SENP7: variants seen among roughly 807,000 people sequenced by gnomAD.
SENP7 encodes sentrin-specific protease 7.
A neutral mutation model predicts 141.2 loss-of-function variants in SENP7; 64 were observed. The observed-to-expected ratio is 0.45, with a 90% CI of 0.37 to 0.56. The LOEUF (loss-of-function observed/expected upper bound fraction) is 0.56, where lower values mean the gene tolerates loss of function less well. Ranked by LOEUF, SENP7 falls within the 20% of genes least tolerant of loss-of-function variation. The pLI is 0.00. For missense variants in SENP7, 1,025 were observed against 1,212.2 expected, an observed-to-expected ratio of 0.85 and a Z score of 2.29; for synonymous variants, 382 against 426.4, an observed-to-expected ratio of 0.90 and a Z score of 1.28.
intron 2 of SENP7, among the ~76,000 whole-genome samples, chr3:101,496,697 C>T (rs2065172220): frequency 6.6e-6 from 1 of 152,118 alleles, no homozygotes; most frequent in African/African-American, 2.4e-5. Context: ...CCCACCTCAG[C>T]CTCCGAAGTA....
intron 14 of SENP7, among the ~76,000 whole-genome samples, chr3:101,342,647 CT>C (rs1308314805): frequency 6.6e-6 from 1 of 151,104 alleles, no homozygotes; most frequent in Non-Finnish European, 1.5e-5. Flanking sequence ...ATTCCTTAGT[CT>C]TTCCTTGTTT....
chr3:101,392,180 C>T (rs1235961654), intron 6 of SENP7, among the ~76,000 whole-genome samples: 4 of 152,110 alleles, frequency 2.6e-5, no homozygotes, highest in Non-Finnish European at 5.9e-5. Context: ...CCCACCTTCA[C>T]GACTCTTATT....
At chr3:101,392,483 A>G (rs1196788563) in intron 6 of SENP7, among the ~76,000 whole-genome samples, 2 of 152,334 alleles carry the variant, frequency 1.3e-5, no homozygotes, top group East Asian at 3.9e-4. Context: ...AAATTTAACC[A>G]TAGAGTTGAA....
intron 6 of SENP7, among the ~76,000 whole-genome samples, chr3:101,388,988 C>G (rs944511018): frequency 6.6e-6 from 1 of 152,088 alleles, no homozygotes; most frequent in East Asian, 1.9e-4. Context: ...GCCTACATGA[C>G]ATATAAGACA....
At chr3:101,492,828 C>T (rs2065017212) in intron 3 of SENP7, among the ~76,000 whole-genome samples, 1 of 152,042 alleles carries the variant, frequency 6.6e-6, no homozygotes. Flanking sequence ...CAAGATCCCA[C>T]CTCTACAGAA....
intron 6 of SENP7, among the ~76,000 whole-genome samples, chr3:101,397,813 T>C (rs2061013330): frequency 6.6e-6 from 1 of 152,196 alleles, no homozygotes; most frequent in African/African-American, 2.4e-5. Context: ...ATATAAAAAG[T>C]ATCCTACAGG....
At chr3:101,459,901 C>G (rs1198888515) in intron 3 of SENP7, among the ~76,000 whole-genome samples, 1 of 151,856 alleles carries the variant, frequency 6.6e-6, no homozygotes, top group East Asian at 1.9e-4. Context: ...AATGAGAAAT[C>G]TGAAAGAGAA....
chr3:101,361,058 A>T (rs1474980709), intron 11 of SENP7, among the ~76,000 whole-genome samples: 2 of 152,048 alleles, frequency 1.3e-5, no homozygotes, highest in Non-Finnish European at 2.9e-5. Context: ...TACAAAAATT[A>T]GCCAGGTGTG....
intron 3 of SENP7, among the ~76,000 whole-genome samples, chr3:101,481,286 A>G (rs1202864487): frequency 6.6e-6 from 1 of 152,212 alleles, no homozygotes; most frequent in African/African-American, 2.4e-5. Flanking sequence ...GTATTTACAC[A>G]ATTAAACATA....
rs991128714 is a variant in SENP7, at chr3:101,428,696, A to G, written c.285-10906T>C. 5.8e-4 allele frequency among the ~76,000 whole-genome samples: 88 copies of G among 151,708 alleles called. 1 individual carries two copies. Among genetic ancestry groups the G allele is most frequent in the Non-Finnish European group, 1.5e-4 (10 of 67,728 alleles). On this transcript the variant is annotated intron_variant, in intron 4 of 23. Coordinates refer to ENST00000394095, the MANE Select transcript of SENP7 (RefSeq NM_020654.5). ...TCTTTTGCTGTGCAGAAGCTCTTTA[A>G]TTAGATCCCATTTGTCAATTTTGGC...
intron 10 of SENP7, among the ~76,000 whole-genome samples, chr3:101,363,653 C>A (rs1226378575): frequency 6.6e-6 from 1 of 151,928 alleles, no homozygotes; most frequent in African/African-American, 2.4e-5. Flanking sequence ...GGATATTGAC[C>A]CCATCTGGTA....
At chr3:101,472,202 CAT>C (rs1559878412) in intron 3 of SENP7, among the ~76,000 whole-genome samples, 1 of 152,238 alleles carries the variant, frequency 6.6e-6, no homozygotes, top group Non-Finnish European at 1.5e-5. Context: ...CACACGCACA[CAT>C]ATGTTTATTG....
intron 5 of SENP7, among the ~76,000 whole-genome samples, chr3:101,405,538 A>C (rs1464820050): frequency 1.3e-5 from 2 of 152,194 alleles, no homozygotes; most frequent in African/African-American, 4.8e-5. Flanking sequence ...CCTCTGAAAA[A>C]TCATACTAGC....
intron 3 of SENP7, 152 bp from the exon 4 acceptor site, chr3:101,459,204 T>C: frequency 2.3e-6 from 1 of 439,340 alleles, no homozygotes; most frequent in Non-Finnish European, 4.0e-6. Context: ...AATATCTGGC[T>C]CTTTTACTAA....
At position 101,332,776 on chromosome 3, in the gene SENP7, T is replaced by C; in HGVS notation, c.2567A>G (p.Asn856Ser). 1 of 1,513,500 alleles carries C rather than the reference T, an allele frequency of 6.6e-7. No homozygotes were observed. Among genetic ancestry groups the C allele is most frequent in the Non-Finnish European group, 8.8e-7 (1 of 1,138,638 alleles). The allele number at this position is 1,513,500 out of a possible 1,614,324, so 93.8% of individuals were successfully genotyped here. A position where few individuals can be genotyped will look rare whatever the true frequency, so the allele number is the denominator to read the frequency against. Residue 856 changes from asparagine (N) to serine (S), a missense_variant, in exon 18 of 24, where the codon AAT becomes AGT. This residue lies in a region of SENP7 where 295 missense variants were observed against 459.1 expected (regional missense o/e 0.64). Transcript: ENST00000394095. Reference sequence around the variant, plus strand: ...AATAATCTGAAATACTTACGACTCATTTACAGGTACAAAGATGTAATCTTT... The same window carrying C: ...AATAATCTGAAATACTTACGACTCACTTACAGGTACAAAGATGTAATCTTT... ...FNKDYIFVPV[N>S]ESSHWYLAVI...
At chr3:101,342,503 C>G (rs1294443844) in intron 14 of SENP7, among the ~76,000 whole-genome samples, 1 of 152,168 alleles carries the variant, frequency 6.6e-6, no homozygotes, top group Non-Finnish European at 1.5e-5. Flanking sequence ...TTCCCCTAAT[C>G]TTATCATACA....
chr3:101,371,926 A>G (rs2060192201), intron 7 of SENP7, 82 bp downstream of exon 7: 2 of 499,164 alleles, frequency 4.0e-6, no homozygotes, highest in South Asian at 8.1e-5. Flanking sequence ...AAGTAAAATA[A>G]AATAATTTAT....
rs150755169 is a variant in SENP7 at position 101,375,530 on chromosome 3, G to A, written c.678-3404C>T. Reference sequence around the variant, plus strand: ...GCACTCCAGCGTGGGCAACAAGAGCGAAATTCCATCTCCAAAAAAAAAAAA... The same window carrying A: ...GCACTCCAGCGTGGGCAACAAGAGCAAAATTCCATCTCCAAAAAAAAAAAA... On this transcript the variant is annotated intron_variant, in intron 6 of 23. Transcript: ENST00000394095. Among the ~76,000 whole-genome samples, 944 of 95,610 alleles carry A rather than the reference G, an allele frequency of 9.9e-3. 17 individuals carry two copies. Among genetic ancestry groups the A allele is most frequent in the African/African-American group, 0.038 (906 of 23,690 alleles). The allele number at this position is 95,610 out of a possible 152,430, so 62.7% of individuals were successfully genotyped here.
intron 3 of SENP7, among the ~76,000 whole-genome samples, chr3:101,482,059 C>T (rs1486147067): frequency 1.3e-5 from 2 of 151,920 alleles, no homozygotes; most frequent in African/African-American, 4.8e-5. Flanking sequence ...GTCTGTAATC[C>T]CAGCACTTTG....
Sources: gnomAD v4.1 joint callset for allele counts (sites outside exome capture counted in the v4.1 genomes callset) on GRCh38, gnomAD v4.1.1 for gene constraint, gnomAD v4.1.1 regional missense constraint, MANE v1.5 for transcripts, NCBI Gene and HGNC (gene_info 2026-07-23, HGNC 2026-07-21) for gene names.